Variants in CDS2 observed in about 807,000 individuals in gnomAD.
The protein encoded by CDS2 is phosphatidate cytidylyltransferase 2.
Under a neutral mutation model 59.0 loss-of-function variants are expected in CDS2, and 47 were observed. That is an observed-to-expected ratio of 0.80 (90% CI 0.63 to 1.02). CDS2 has a LOEUF of 1.02. Ranked by LOEUF, CDS2 falls within the 50% of genes least tolerant of loss-of-function variation. The probability of loss-of-function intolerance (pLI) is 0.00; values close to 1 mark genes in which losing one functional copy is unlikely to be tolerated. For synonymous variants in CDS2, 207 were observed against 206.4 expected (o/e 1.00, Z -0.02); for missense variants, 356 against 558.9 (o/e 0.64, Z 3.66).
In CDS2 at chr20:5,189,761, T is replaced by C; in HGVS notation, c.1128T>C (p.His376=). 1 of 1,614,140 alleles carries C rather than the reference T, an allele frequency of 6.2e-7. No homozygotes were observed. The highest frequency in any genetic ancestry group is 8.5e-7 in the Non-Finnish European group (1 of 1,179,974). Residue 376 remains histidine, a synonymous_variant, in exon 12 of 13, where the codon CAT becomes CAC. Coordinates refer to ENST00000460006, the MANE Select transcript of CDS2 (RefSeq NM_003818.4). Reference sequence around the variant, plus strand: ...ACTTTGCCAATACCATTCCTGGCCATGGAGGCATCATGGATCGCTTTGACT... The same window carrying C: ...ACTTTGCCAATACCATTCCTGGCCACGGAGGCATCATGGATCGCTTTGACT... ...IKDFANTIPG[H]GGIMDRFDCQ... is the part of the protein sequence containing the mutation.
chr20:5,135,903 T>C (rs1429599233), intron 1 of CDS2, among the ~76,000 whole-genome samples: 2 of 152,210 alleles, frequency 1.3e-5, no homozygotes, highest in Non-Finnish European at 1.5e-5. Context: ...AGCACTGCTG[T>C]CTGTGTGGAA....
Position 5,173,644 on chromosome 20 carries a change from C to T in CDS2, c.179C>T (p.Ser60Phe). 1 of 1,614,124 alleles carries T rather than the reference C, an allele frequency of 6.2e-7. No homozygotes were observed. The highest frequency in any genetic ancestry group is 8.5e-7 in the Non-Finnish European group (1 of 1,179,988). Residue 60 changes from serine to phenylalanine, a missense_variant, in exon 2 of 13, where the codon TCC becomes TTC. Transcript: ENST00000460006. ...DTPEVLNRAL[S>F]NLSSRWKNWW... ...CCGGAGGTCCTCAATAGGGCCCTTT[C>T]CAACTTGTCTTCAAGGTAACCTGGC...
intron 1 of CDS2, among the ~76,000 whole-genome samples, chr20:5,170,270 G>C (rs1265320419): frequency 6.6e-6 from 1 of 152,130 alleles, no homozygotes; most frequent in Non-Finnish European, 1.5e-5. Flanking sequence ...GCAAACTGAT[G>C]AATGTGTTCA....
At chr20:5,183,715 C>A (rs549141568) in intron 7 of CDS2, among the ~76,000 whole-genome samples, 5 of 152,162 alleles carry the variant, frequency 3.3e-5, no homozygotes, top group African/African-American at 1.2e-4. Context: ...ATAAATCATT[C>A]TAAATAAAAT....
intron 1 of CDS2, among the ~76,000 whole-genome samples, chr20:5,135,653 G>A (rs141082429): frequency 7.6e-4 from 116 of 152,156 alleles, no homozygotes; most frequent in Non-Finnish European, 1.2e-3. Context: ...GGTCCCCACC[G>A]GGCAGCTTCC....
At chr20:5,138,926 A>G (rs1445311801) in intron 1 of CDS2, among the ~76,000 whole-genome samples, 1 of 152,208 alleles carries the variant, frequency 6.6e-6, no homozygotes, top group African/African-American at 2.4e-5. Context: ...TGGGATCACA[A>G]AAGATCCCAA....
chr20:5,143,846 C>T (rs1481963547), intron 1 of CDS2, among the ~76,000 whole-genome samples: 1 of 150,528 alleles, frequency 6.6e-6, no homozygotes, highest in Non-Finnish European at 1.5e-5. Context: ...CTTACTACAA[C>T]CTCTGCCTCC....
rs1429624689 is a variant in CDS2 at position 5,191,628 on chromosome 20, G to A, written c.*1394G>A. On this transcript the variant is annotated 3_prime_UTR_variant, in exon 13 of 13. Transcript: ENST00000460006. Reference sequence around the variant, plus strand: ...GTGCTGGTTTGTGGTGTTTTTGTTTGTAAATTAGCCTCACTGCCTCCCTGA... The same window carrying A: ...GTGCTGGTTTGTGGTGTTTTTGTTTATAAATTAGCCTCACTGCCTCCCTGA... 2 of 152,146 alleles carry A rather than the reference G, an allele frequency of 1.3e-5. No individual in the cohort carries two copies. The allele number at this position is 152,146 out of a possible 1,614,324, so 9.4% of individuals were successfully genotyped here.
chr20:5,152,938 C>T (rs145696840), intron 1 of CDS2, among the ~76,000 whole-genome samples: 11 of 152,292 alleles, frequency 7.2e-5, no homozygotes, highest in African/African-American at 1.7e-4. Context: ...TTGTACCACA[C>T]GGGCATTGTT....
chr20:5,189,056 A>T lies in CDS2; in HGVS notation c.982-11A>T, dbSNP rs536927701. On this transcript the variant is annotated splice_polypyrimidine_tract_variant and intron_variant, in intron 10 of 12. Coordinates refer to ENST00000460006, the MANE Select transcript of CDS2 (RefSeq NM_003818.4). Reference sequence around the variant, plus strand: ...ATGCACCTAAACTTTTACTTCATTTACTCTTCTCAGAAAACGGTCCGGATG... The same window carrying T: ...ATGCACCTAAACTTTTACTTCATTTTCTCTTCTCAGAAAACGGTCCGGATG... The T allele has an allele frequency of 5.3e-5, 85 of 1,613,812 alleles. No individual in the cohort carries two copies. Among genetic ancestry groups the T allele is most frequent in the Middle Eastern group, 3.3e-4 (2 of 6,082 alleles).
At chr20:5,129,474 G>T (rs1193097711) in intron 1 of CDS2, among the ~76,000 whole-genome samples, 1 of 139,660 alleles carries the variant, frequency 7.2e-6, no homozygotes. Context: ...AGGGAGTTTC[G>T]CTCTTTTGCC....
At chr20:5,169,275 A>G (rs11699947) in intron 1 of CDS2, among the ~76,000 whole-genome samples, 11,164 of 152,192 alleles carry the variant, frequency 0.073, 470 homozygotes, top group Middle Eastern at 0.16. Context: ...AGCTGGGTGG[A>G]TATGAGTCAG....
At chr20:5,139,783 G>A (rs1376348687) in intron 1 of CDS2, among the ~76,000 whole-genome samples, 1 of 150,194 alleles carries the variant, frequency 6.7e-6, no homozygotes, top group Non-Finnish European at 1.5e-5. Context: ...AATTTTACAA[G>A]TGCTTTTTCA....
intron 1 of CDS2, among the ~76,000 whole-genome samples, chr20:5,143,359 T>G (rs1333335165): frequency 6.6e-6 from 1 of 152,234 alleles, no homozygotes. Context: ...GGCACAATCA[T>G]TCTGGAAAAC....
chr20:5,184,908 TG>T lies in CDS2; in HGVS notation c.723del (p.Met241IlefsTer40). On this transcript the variant is annotated frameshift_variant, in exon 8 of 13. Coordinates refer to ENST00000460006, the MANE Select transcript of CDS2 (RefSeq NM_003818.4). LOFTEE classifies it high-confidence loss of function. The surrounding 1 kb of genome is among the most constrained non-coding windows in gnomAD (Gnocchi z 4.3). ...CVICNDIMAYMFGFFFGRTPL... is the reference protein window; with the variant it reads ...CVICNDIMAYXFGFFFGRTPL... Reference sequence around the variant, plus strand: ...ATCTGTAATGACATCATGGCCTATATGTTTGGCTTTTTCTTTGGTCGGACCC... The same window carrying T: ...ATCTGTAATGACATCATGGCCTATATTTTGGCTTTTTCTTTGGTCGGACCC... 1 of 1,614,098 alleles carries T rather than the reference TG, an allele frequency of 6.2e-7. No homozygotes were observed. Among genetic ancestry groups the T allele is most frequent in the Non-Finnish European group, 8.5e-7 (1 of 1,179,970 alleles).
At chr20:5,154,578 G>T (rs2090818091) in intron 1 of CDS2, among the ~76,000 whole-genome samples, 2 of 140,512 alleles carry the variant, frequency 1.4e-5, no homozygotes, top group African/African-American at 5.2e-5. Context: ...GCCTTTTGAA[G>T]TGCCAGTGTC....
At chr20:5,130,210 G>C (rs929476030) in intron 1 of CDS2, among the ~76,000 whole-genome samples, 6 of 151,616 alleles carry the variant, frequency 4.0e-5, no homozygotes, top group African/African-American at 1.5e-4. Flanking sequence ...CCTGACCTCA[G>C]GTGATCTACC....
At position 5,178,944 on chromosome 20, in the gene CDS2, C is replaced by T. The variant is rs778615193; in HGVS notation, c.517C>T (p.Leu173Phe). 3 of 1,614,044 alleles carry T rather than the reference C, an allele frequency of 1.9e-6. No homozygotes were observed. The highest frequency in any genetic ancestry group is 4.5e-5 in the East Asian group (2 of 44,874). Reference sequence around the variant, plus strand: ...ATACCACCGGTTCATTTCCTTTACTCTCTATCTAATAGGTATGCATTAAGC... The same window carrying T: ...ATACCACCGGTTCATTTCCTTTACTTTCTATCTAATAGGTATGCATTAAGC... The part of the protein sequence containing the change: ...SKYHRFISFT[L>F]YLIGFCMFVL... The change falls in exon 5 of 13, where the codon CTC becomes TTC. Residue 173 changes from leucine to phenylalanine, a missense_variant. Physicochemically the swap from Leu to Phe is conservative, Grantham distance 22. Transcript: ENST00000460006.
chr20:5,144,546 CT>C (rs1296943538), intron 1 of CDS2, among the ~76,000 whole-genome samples: 13 of 152,160 alleles, frequency 8.5e-5, no homozygotes, highest in African/African-American at 2.7e-4. Context: ...AAAGAAATTG[CT>C]TTGGAGACTA....
Sources: gnomAD v4.1 joint callset for allele counts (sites outside exome capture counted in the v4.1 genomes callset) on GRCh38, gnomAD v4.1.1 for gene constraint, Gnocchi (gnomAD v3.1) non-coding constraint, MANE v1.5 for transcripts, NCBI Gene and HGNC (gene_info 2026-07-23, HGNC 2026-07-21) for gene names.